Variants in PKIG observed in about 807,000 individuals in gnomAD.
The protein encoded by PKIG is cAMP-dependent protein kinase inhibitor gamma.
Under a neutral mutation model 6.8 loss-of-function variants are expected in PKIG, and 1 was observed. The observed-to-expected ratio is 0.15, with a 90% CI of 0.05 to 0.69. PKIG has a LOEUF of 0.69. PKIG is among the 30% of genes least tolerant of loss of function. The pLI is 0.82. For synonymous variants in PKIG, 39 were observed against 43.0 expected (o/e 0.91, Z 0.36); for missense variants, 77 against 104.0 (o/e 0.74, Z 1.13).
intron 1 of PKIG, among the ~76,000 whole-genome samples, chr20:44,577,127 T>C (rs2064905568): frequency 6.6e-6 from 1 of 152,084 alleles, no homozygotes. Context: ...GTTTTTTTTT[T>C]GAGACAGATT....
In PKIG at chr20:44,618,723, A is replaced by G. The variant is rs900522557; in HGVS notation, c.*359A>G. 1 of 203,004 alleles carries G rather than the reference A, an allele frequency of 4.9e-6. No individual in the cohort carries two copies. The allele number at this position is 203,004 out of a possible 1,614,324, so 12.6% of individuals were successfully genotyped here. On this transcript the variant is annotated 3_prime_UTR_variant, in exon 4 of 4. Coordinates refer to ENST00000372886, the MANE Select transcript of PKIG (RefSeq NM_001281445.2). ...GCGGCCCGGGCAGGGACCCTGTCCC[A>G]ACACCAACACCTCCTCTCCAGCCCA... is the stretch of plus-strand genomic sequence containing the variant.
At chr20:44,587,068 C>CT (rs2064995827) in intron 1 of PKIG, among the ~76,000 whole-genome samples, 2 of 152,128 alleles carry the variant, frequency 1.3e-5, no homozygotes, top group Admixed American at 1.3e-4. Flanking sequence ...TCAGTGTAGT[C>CT]TTTAACATTC....
At chr20:44,543,137 C>G (rs887799349) in intron 1 of PKIG, among the ~76,000 whole-genome samples, 17 of 152,328 alleles carry the variant, frequency 1.1e-4, no homozygotes, top group African/African-American at 3.8e-4. Flanking sequence ...CTTAACCTTT[C>G]TAAGCTTCAG....
At chr20:44,534,507 C>T (rs1173685274) in intron 1 of PKIG, among the ~76,000 whole-genome samples, 4 of 149,784 alleles carry the variant, frequency 2.7e-5, no homozygotes, top group African/African-American at 7.4e-5. Context: ...ATCACTCTGT[C>T]GCCCATGCTG....
At chr20:44,608,721 G>C (rs2065188277) in intron 2 of PKIG, among the ~76,000 whole-genome samples, 1 of 151,354 alleles carries the variant, frequency 6.6e-6, no homozygotes, top group Non-Finnish European at 1.5e-5. Flanking sequence ...GATTGCTTGA[G>C]CCCAGGAAGT....
intron 1 of PKIG, among the ~76,000 whole-genome samples, chr20:44,550,548 C>G (rs892175277): frequency 6.6e-6 from 1 of 152,030 alleles, no homozygotes; most frequent in Non-Finnish European, 1.5e-5. Context: ...GCAAAAATTG[C>G]CCTTGTTTGA....
Position 44,618,612 on chromosome 20 carries a change from A to C in PKIG, c.*248A>C. On this transcript the variant is annotated 3_prime_UTR_variant, in exon 4 of 4. Transcript: ENST00000372886. Reference sequence around the variant, plus strand: ...TACACTTTCAAGACACTGTAACCACAAGATGTTATTTATTGAGCTGGCGCC... The same window carrying C: ...TACACTTTCAAGACACTGTAACCACCAGATGTTATTTATTGAGCTGGCGCC... 1 of 430,418 alleles carries C rather than the reference A, an allele frequency of 2.3e-6. No individual in the cohort carries two copies. The highest frequency in any genetic ancestry group is 4.3e-6 in the Non-Finnish European group (1 of 230,920). 26.7% of individuals were successfully genotyped at this position (430,418 alleles called of 1,614,324 possible).
chr20:44,585,788 T>C (rs2064985182), intron 1 of PKIG, among the ~76,000 whole-genome samples: 1 of 152,260 alleles, frequency 6.6e-6, no homozygotes, highest in East Asian at 1.9e-4. Flanking sequence ...CTGTGCCCTC[T>C]AGTCTCCTGC....
At chr20:44,539,242 A>G (rs1356427465) in intron 1 of PKIG, among the ~76,000 whole-genome samples, 2 of 151,552 alleles carry the variant, frequency 1.3e-5, no homozygotes, top group Non-Finnish European at 2.9e-5. Context: ...GGCCTGCCCA[A>G]CTTTCATAAA....
At chr20:44,611,911 T>C (rs2065223372) in intron 2 of PKIG, among the ~76,000 whole-genome samples, 1 of 152,172 alleles carries the variant, frequency 6.6e-6, no homozygotes, top group South Asian at 2.1e-4. Context: ...CTTAACATTA[T>C]GTCCTCCAGG....
intron 1 of PKIG, among the ~76,000 whole-genome samples, chr20:44,556,033 G>C (rs2064709942): frequency 6.6e-6 from 1 of 152,024 alleles, no homozygotes. Context: ...TAGAGGCAGG[G>C]TTTCACCCTG....
At chr20:44,601,171 G>A (rs1319123676) in intron 2 of PKIG, among the ~76,000 whole-genome samples, 5 of 152,162 alleles carry the variant, frequency 3.3e-5, no homozygotes, top group Non-Finnish European at 5.9e-5. Flanking sequence ...GATAGGCACC[G>A]TAGAAGTCAC....
At position 44,552,236 on chromosome 20, in the gene PKIG, A is replaced by G. The variant is rs567942039; in HGVS notation, c.-241+20258A>G. On this transcript the variant is annotated intron_variant, in intron 1 of 4. Transcript: ENST00000372887. ...TTGTTTGCGCGTATTTCTCAAAGCC[A>G]TCCATCAGGATACAATCTAAATCAT... Among the ~76,000 whole-genome samples, 3 of 152,358 alleles carry G rather than the reference A, an allele frequency of 2.0e-5. No individual in the cohort carries two copies. The East Asian group carries it at 5.8e-4, about 29-fold the overall frequency.
intron 2 of PKIG, among the ~76,000 whole-genome samples, chr20:44,612,316 A>T (rs184678980): frequency 1.3e-5 from 2 of 152,132 alleles, no homozygotes; most frequent in Non-Finnish European, 2.9e-5. Context: ...GACCAGGTGC[A>T]GTAAACATCC....
chr20:44,537,176 C>T (rs572620680), intron 1 of PKIG, among the ~76,000 whole-genome samples: 4 of 152,214 alleles, frequency 2.6e-5, no homozygotes, highest in African/African-American at 9.6e-5. Context: ...ACGATCTTGG[C>T]TCACCGCAAC....
intron 2 of PKIG, among the ~76,000 whole-genome samples, chr20:44,591,577 T>C (rs1011376626): frequency 8.4e-6 from 1 of 119,748 alleles, no homozygotes; most frequent in Admixed American, 1.2e-4. Flanking sequence ...TGAGATAAGA[T>C]AGACTCCTTG....
chr20:44,554,568 G>C (rs187238970), intron 1 of PKIG, among the ~76,000 whole-genome samples: 208 of 152,270 alleles, frequency 1.4e-3, no homozygotes, highest in African/African-American at 4.8e-3. Flanking sequence ...ACTGGGACAA[G>C]GGTGAGGGGG....
chr20:44,567,189 A>C (rs1032950308), intron 1 of PKIG, among the ~76,000 whole-genome samples: 12 of 152,236 alleles, frequency 7.9e-5, no homozygotes, highest in African/African-American at 2.7e-4. Context: ...AATGAAATGC[A>C]GGCTGGGGAA....
At chr20:44,613,608 C>T (rs1286599089) in intron 2 of PKIG, among the ~76,000 whole-genome samples, 1 of 152,160 alleles carries the variant, frequency 6.6e-6, no homozygotes, top group Non-Finnish European at 1.5e-5. Context: ...CTTATTCACA[C>T]CAGAAACCTA....
Sources: allele counts gnomAD v4.1 joint callset (sites outside exome capture counted in the v4.1 genomes callset), GRCh38; gene constraint gnomAD v4.1.1; transcripts MANE v1.5; gene names NCBI Gene and HGNC (gene_info 2026-07-23, HGNC 2026-07-21).